Variants in TEX11 observed in about 807,000 individuals in gnomAD.
TEX11 encodes testis expressed 11, also known as testis-expressed protein 11.
Under a neutral mutation model 84.4 loss-of-function variants are expected in TEX11, and 7 were observed. The observed-to-expected ratio is 0.08, with a 90% CI of 0.05 to 0.16. The LOEUF (loss-of-function observed/expected upper bound fraction) is 0.16. TEX11 is among the 10% of genes least tolerant of loss of function. The probability of loss-of-function intolerance (pLI) is 1.00; values close to 1 mark genes in which losing one functional copy is unlikely to be tolerated. For synonymous variants in TEX11, 264 were observed against 222.8 expected, an observed-to-expected ratio of 1.18 and a Z score of -1.64; for missense variants, 551 against 660.5, an observed-to-expected ratio of 0.83 and a Z score of 1.82.
chrX:70,688,014 A>C, intron 13 of TEX11, among the ~76,000 whole-genome samples: 1 of 111,631 alleles, frequency 9.0e-6, no homozygotes, highest in Non-Finnish European at 1.9e-5. Flanking sequence ...ACAACAAAAA[A>C]TGTACATTAT....
rs754842419 is a variant in TEX11 at position 70,908,056 on chromosome X, A to G, written c.-21-246T>C. 2.7e-5 allele frequency among the ~76,000 whole-genome samples: 3 copies of G among 111,315 alleles called. No homozygotes were observed. The South Asian group carries it at 1.2e-3, about 43-fold the overall frequency. Reference sequence around the variant, plus strand: ...AAATGGAGCTGAGTGGTACCCTGTTATTGGTCTGGCTGGGTCTCGCTGCTT... The same window carrying G: ...AAATGGAGCTGAGTGGTACCCTGTTGTTGGTCTGGCTGGGTCTCGCTGCTT... On this transcript the variant is annotated intron_variant, in intron 1 of 29. Coordinates refer to ENST00000374333, the MANE Select transcript of TEX11 (RefSeq NM_031276.3).
chrX:70,551,625 A>C (rs1027683520), intron 28 of TEX11, among the ~76,000 whole-genome samples: 2 of 111,812 alleles, frequency 1.8e-5, no homozygotes, highest in African/African-American at 6.5e-5. Context: ...AATTGTGCAC[A>C]AGCCATGGGT....
intron 25 of TEX11, among the ~76,000 whole-genome samples, chrX:70,560,661 T>C (rs1204326513): frequency 9.0e-6 from 1 of 111,224 alleles, no homozygotes; most frequent in Non-Finnish European, 1.9e-5. Context: ...TTTTCTTTTA[T>C]AGTTGGTAAA....
At chrX:70,894,023 G>A (rs2091753435) in intron 2 of TEX11, among the ~76,000 whole-genome samples, 1 of 111,383 alleles carries the variant, frequency 9.0e-6, no homozygotes, top group African/African-American at 3.3e-5. Flanking sequence ...ACTAAATCAG[G>A]AAGAAGTCAA....
chrX:70,746,083 C>A (rs1265018236), intron 9 of TEX11, among the ~76,000 whole-genome samples: 1 of 111,767 alleles, frequency 8.9e-6, no homozygotes, highest in Non-Finnish European at 1.9e-5. Context: ...AACTAAATCT[C>A]AGTATAACCA....
intron 2 of TEX11, among the ~76,000 whole-genome samples, chrX:70,906,276 C>T (rs2091833789): frequency 9.5e-6 from 1 of 104,934 alleles, no homozygotes; most frequent in Non-Finnish European, 1.9e-5. Context: ...ATATGGCAAG[C>T]TTAAGATTTG....
At chrX:70,726,435 C>G (rs1399947013) in intron 11 of TEX11, among the ~76,000 whole-genome samples, 2 of 111,934 alleles carry the variant, frequency 1.8e-5, no homozygotes, top group Non-Finnish European at 3.8e-5. Context: ...TGAAGATTGC[C>G]TGCTAAATCC....
intron 24 of TEX11, among the ~76,000 whole-genome samples, chrX:70,593,993 T>C (rs181104990): frequency 1.8e-5 from 2 of 111,356 alleles, no homozygotes; most frequent in East Asian, 5.6e-4. Context: ...CTAATTTTGA[T>C]GAAAAACAAT....
At chrX:70,865,609 T>C (rs986395284) in intron 4 of TEX11, among the ~76,000 whole-genome samples, 3 of 111,699 alleles carry the variant, frequency 2.7e-5, no homozygotes, top group African/African-American at 9.8e-5. Flanking sequence ...CAGCACCATA[T>C]AGCACTTATT....
chrX:70,907,491 C>T, intron 2 of TEX11, among the ~76,000 whole-genome samples: 1 of 111,105 alleles, frequency 9.0e-6, no homozygotes. Context: ...ACTGCAAACT[C>T]TGCCTCCCAG....
chrX:70,728,383 G>A (rs1328804271), intron 11 of TEX11, among the ~76,000 whole-genome samples: 1 of 113,241 alleles, frequency 8.8e-6, no homozygotes, highest in Non-Finnish European at 1.9e-5. Context: ...CACCAGGGAA[G>A]CACAAGGGGT....
Position 70,794,645 on chromosome X carries a change from T to C in TEX11, c.692+12060A>G, listed in dbSNP as rs574760596. Among the ~76,000 whole-genome samples the C allele has an allele frequency of 2.4e-4, 26 of 108,875 alleles. No homozygotes were observed. The South Asian group carries it at 9.5e-3, about 40-fold the overall frequency. The allele number at this position is 108,875 out of a possible 115,157, so 94.5% of individuals were successfully genotyped here. A position where few individuals can be genotyped will look rare whatever the true frequency, so the allele number is the denominator to read the frequency against. On this transcript the variant is annotated intron_variant, in intron 9 of 29. Coordinates refer to ENST00000374333, the MANE Select transcript of TEX11 (RefSeq NM_031276.3). ...GGATAACAACTCTGCTATGGTAGGA[T>C]AGGACACCAGGAAGAGTCATGAGAC...
intron 17 of TEX11, among the ~76,000 whole-genome samples, chrX:70,642,352 C>T (rs1198222287): frequency 4.3e-4 from 48 of 111,125 alleles, no homozygotes; most frequent in South Asian, 1.2e-3. Flanking sequence ...AAGGAGGAAC[C>T]GGTACCATTC....
chrX:70,679,029 G>A lies in TEX11; in HGVS notation c.1157-140C>T, dbSNP rs747376664. The A allele has an allele frequency of 3.2e-3, 1,520 of 482,239 alleles. 6 individuals carry two copies. Among genetic ancestry groups the A allele is most frequent in the Non-Finnish European group, 4.5e-3 (1,357 of 300,299 alleles). The allele number at this position is 482,239 out of a possible 1,213,427, so 39.7% of individuals were successfully genotyped here. ...CTCTGATGCCGAGCTGAAGCTGGAC[G>A]GTACTGCTGCCTGATTCTCCTGCCT... On this transcript the variant is annotated intron_variant, in intron 14 of 29. Coordinates refer to ENST00000374333, the MANE Select transcript of TEX11 (RefSeq NM_031276.3).
chrX:70,870,105 G>T (rs1262296330), intron 4 of TEX11, among the ~76,000 whole-genome samples: 1 of 111,569 alleles, frequency 9.0e-6, no homozygotes, highest in Non-Finnish European at 1.9e-5. Context: ...GCCTGAAATT[G>T]AATTGACTTT....
chrX:70,851,101 C>A (rs187834547), intron 7 of TEX11, among the ~76,000 whole-genome samples: 265 of 111,641 alleles, frequency 2.4e-3, no homozygotes, highest in South Asian at 0.019. Context: ...CTGATCCTAA[C>A]ATTCATATGG....
intron 17 of TEX11, among the ~76,000 whole-genome samples, chrX:70,640,176 A>T (rs1477137291): frequency 9.1e-6 from 1 of 109,988 alleles, no homozygotes; most frequent in Admixed American, 9.7e-5. Context: ...TCAGCAATGG[A>T]AGATGAAATG....
intron 3 of TEX11, among the ~76,000 whole-genome samples, chrX:70,873,685 T>C (rs1336460803): frequency 8.9e-6 from 1 of 112,326 alleles, no homozygotes; most frequent in African/African-American, 3.2e-5. Context: ...TTCATTAAGT[T>C]GTATACAATT....
intron 16 of TEX11, among the ~76,000 whole-genome samples, chrX:70,660,981 A>G (rs2089919334): frequency 8.9e-6 from 1 of 112,244 alleles, no homozygotes; most frequent in African/African-American, 3.2e-5. Context: ...TGCATTTCCA[A>G]CTGAGGTACT....
Sources: allele counts gnomAD v4.1 joint callset (sites outside exome capture counted in the v4.1 genomes callset), GRCh38; gene constraint gnomAD v4.1.1; transcripts MANE v1.5; gene names NCBI Gene and HGNC (gene_info 2026-07-23, HGNC 2026-07-21).